The following SYT1 variants were observed in gnomAD, a reference collection of about 807,000 sequenced individuals.
SYT1 encodes the protein synaptotagmin-1.
A neutral mutation model predicts 44.8 loss-of-function variants in SYT1; 8 were observed. That is an observed-to-expected ratio of 0.18 (90% CI 0.10 to 0.32). The LOEUF is 0.32. Ranked by LOEUF, SYT1 falls within the 10% of genes least tolerant of loss-of-function variation. The pLI, the probability that SYT1 is intolerant of heterozygous loss-of-function variation, is 1.00. For synonymous variants in SYT1, 154 were observed against 188.8 expected (o/e 0.82, Z 1.51); for missense variants, 286 against 509.3 (o/e 0.56, Z 4.22).
At chr12:79,299,595 C>G in intron 8 of SYT1, 44 bp downstream of exon 8, 1 of 1,594,148 alleles carries the variant, frequency 6.3e-7, no homozygotes, top group Admixed American at 1.8e-5. Flanking sequence ...GCTGTACTCG[C>G]CAGTTGCTGC....
intron 7 of SYT1, among the ~76,000 whole-genome samples, 164 bp downstream of exon 7, chr12:79,296,400 G>A (rs1030400205): frequency 1.3e-5 from 2 of 152,070 alleles, no homozygotes; most frequent in African/African-American, 4.8e-5. Context: ...GTCAACATTC[G>A]ATATTGCCTT....
rs535596225 is a variant in SYT1 at position 78,902,621 on chromosome 12, C to G, written c.-217+37512C>G. 7.9e-5 allele frequency among the ~76,000 whole-genome samples: 12 copies of G among 152,204 alleles called. 1 individual carries two copies. Among genetic ancestry groups the G allele is most frequent in the Admixed American group, 7.8e-4 (12 of 15,290 alleles). On this transcript the variant is annotated intron_variant, in intron 1 of 10. Transcript: ENST00000261205. ...TTATTATATTTTTTCCAGGAGGTTT[C>G]TCATTTTTCTAGAAAGTGGTAGACC...
chr12:78,866,498 A>G (rs1204028323), intron 1 of SYT1, among the ~76,000 whole-genome samples: 3 of 152,266 alleles, frequency 2.0e-5, no homozygotes, highest in Admixed American at 6.5e-5. Context: ...GGCTGCCTGC[A>G]TAATAGGTCA....
chr12:79,412,970 T>A (rs11114110), intron 9 of SYT1, among the ~76,000 whole-genome samples: 20,809 of 152,154 alleles, frequency 0.14, 1,859 homozygotes, highest in Middle Eastern at 0.34. Flanking sequence ...ATATTTAGCC[T>A]TTTTTATTAT....
intron 9 of SYT1, among the ~76,000 whole-genome samples, chr12:79,386,651 C>T (rs1055201381): frequency 6.6e-5 from 10 of 152,164 alleles, no homozygotes; most frequent in Non-Finnish European, 8.8e-5. Flanking sequence ...AATCTGTATT[C>T]CTGGTATTCC....
rs113175008 is a variant in SYT1 at position 78,955,735 on chromosome 12, C to CT, written c.-216-22054dup. Among the ~76,000 whole-genome samples the CT allele has an allele frequency of 3.2e-3, 460 of 145,646 alleles. 3 individuals are homozygous for CT. The highest frequency in any genetic ancestry group is 0.01 in the African/African-American group (408 of 39,602). On this transcript the variant is annotated intron_variant, in intron 1 of 10. Transcript: ENST00000261205. ...AAGCTTTATAAGGACCAGAAAGAAA[C>CT]TTTTTTTTTTGCCCTTAACCTAACA... is the stretch of plus-strand genomic sequence containing the variant.
chr12:79,194,267 T>G (rs9788153), intron 3 of SYT1, among the ~76,000 whole-genome samples: 107,339 of 151,816 alleles, frequency 0.71, 38,453 homozygotes, highest in African/African-American at 0.77. Flanking sequence ...CCATATTGTA[T>G]GAAAAATATA....
chr12:79,211,314 G>A (rs1874431372), intron 3 of SYT1, among the ~76,000 whole-genome samples: 1 of 151,978 alleles, frequency 6.6e-6, no homozygotes, highest in African/African-American at 2.4e-5. Flanking sequence ...CTCTCTGTTG[G>A]ATAATTTCTG....
At chr12:79,124,870 T>C (rs1868353769) in intron 3 of SYT1, among the ~76,000 whole-genome samples, 1 of 152,166 alleles carries the variant, frequency 6.6e-6, no homozygotes, top group Non-Finnish European at 1.5e-5. Context: ...TGGACTAATT[T>C]GAGTATAACT....
intron 2 of SYT1, among the ~76,000 whole-genome samples, chr12:79,023,501 G>A (rs937498235): frequency 6.6e-6 from 1 of 151,790 alleles, no homozygotes; most frequent in Non-Finnish European, 1.5e-5. Context: ...GCATGCATTG[G>A]GAGCTTCATT....
intron 8 of SYT1, among the ~76,000 whole-genome samples, chr12:79,311,905 T>G: frequency 7.1e-6 from 1 of 140,956 alleles, no homozygotes; most frequent in South Asian, 2.5e-4. Flanking sequence ...CATTAGGAGA[T>G]ATACCTAATG....
intron 3 of SYT1, among the ~76,000 whole-genome samples, chr12:79,104,154 A>G (rs1878585155): frequency 6.8e-6 from 1 of 147,142 alleles, no homozygotes; most frequent in Admixed American, 6.7e-5. Flanking sequence ...CAATGGAGTC[A>G]ATTTTTTTTT....
chr12:79,046,182 T>G (rs1039572549), intron 2 of SYT1: 1 of 152,164 alleles, frequency 6.6e-6, no homozygotes, highest in African/African-American at 2.4e-5. Flanking sequence ...TCTTGGAGAT[T>G]TAACTGTTGA....
chr12:79,009,890 C>T (rs116882552), intron 2 of SYT1, among the ~76,000 whole-genome samples: 63 of 152,252 alleles, frequency 4.1e-4, no homozygotes, highest in Admixed American at 7.2e-4. Context: ...GCACAGACGG[C>T]ATCCTCTATG....
intron 1 of SYT1, among the ~76,000 whole-genome samples, chr12:78,924,485 T>C (rs1271505666): frequency 6.6e-6 from 1 of 151,526 alleles, no homozygotes; most frequent in Non-Finnish European, 1.5e-5. Context: ...ATATTTTCTT[T>C]ACATTTATTA....
chr12:79,209,719 C>T (rs61927348), intron 3 of SYT1, among the ~76,000 whole-genome samples: 6,591 of 152,236 alleles, frequency 0.043, 154 homozygotes, highest in Non-Finnish European at 0.049. Context: ...TTCTTGAAAG[C>T]CCCAGGGCAT....
At position 79,176,710 on chromosome 12, in the gene SYT1, T is replaced by A. The variant is rs150381477; in HGVS notation, c.-17-40793T>A. Among the ~76,000 whole-genome samples, 832 of 152,178 alleles carry A rather than the reference T, an allele frequency of 5.5e-3. 7 individuals are homozygous for A. Among genetic ancestry groups the A allele is most frequent in the African/African-American group, 0.019 (786 of 41,552 alleles). ...CAATGAACACACATATACCTTTGCT[T>A]ACACCAAATGGTAACCTCTTTGCCA... On this transcript the variant is annotated intron_variant, in intron 3 of 10. Coordinates refer to ENST00000261205, the MANE Select transcript of SYT1 (RefSeq NM_005639.3).
intron 9 of SYT1, among the ~76,000 whole-genome samples, chr12:79,356,288 A>G (rs1743000297): frequency 6.6e-6 from 1 of 151,734 alleles, no homozygotes; most frequent in Admixed American, 6.6e-5. Context: ...CCAGTAGAAC[A>G]AATCTTTGCC....
chr12:79,252,355 T>C (rs1225086241), intron 4 of SYT1, among the ~76,000 whole-genome samples: 1 of 152,178 alleles, frequency 6.6e-6, no homozygotes, highest in African/African-American at 2.4e-5. Context: ...TCACCATATT[T>C]AGTATACATT....
Sources: allele counts gnomAD v4.1 joint callset (sites outside exome capture counted in the v4.1 genomes callset), GRCh38; gene constraint gnomAD v4.1.1; transcripts MANE v1.5; gene names NCBI Gene and HGNC (gene_info 2026-07-23, HGNC 2026-07-21).